PRMT9: variants seen among roughly 807,000 people sequenced by gnomAD.
The protein encoded by PRMT9 is protein arginine N-methyltransferase 9.
A neutral mutation model predicts 83.2 loss-of-function variants in PRMT9; 59 were observed. That is an observed-to-expected ratio of 0.71 (90% CI 0.57 to 0.88). PRMT9 has a LOEUF of 0.88. Among genes scored for constraint, PRMT9 ranks in the 40% least tolerant of loss-of-function variants. PRMT9 has a pLI of 0.00. For missense variants in PRMT9, 947 were observed against 1,021.9 expected (o/e 0.93, Z 1.00); for synonymous variants, 333 against 353.2 (o/e 0.94, Z 0.64).
chr4:147,650,583 T>A (rs757370843), intron 9 of PRMT9, among the ~76,000 whole-genome samples: 6 of 152,224 alleles, frequency 3.9e-5, no homozygotes, highest in Non-Finnish European at 8.8e-5. Flanking sequence ...TGGGAACACC[T>A]GCAATCCATA....
At chr4:147,674,227 G>C (rs113573590) in intron 2 of PRMT9, among the ~76,000 whole-genome samples, 2 of 152,240 alleles carry the variant, frequency 1.3e-5, no homozygotes, top group African/African-American at 4.8e-5. Context: ...CTCTTTGTGG[G>C]GGCCGGCATG....
intron 9 of PRMT9, among the ~76,000 whole-genome samples, chr4:147,647,244 C>T (rs758085726): frequency 3.9e-5 from 6 of 152,132 alleles, no homozygotes; most frequent in Non-Finnish European, 7.3e-5. Context: ...GCCCCAATTG[C>T]TCCTATAGAT....
intron 4 of PRMT9, among the ~76,000 whole-genome samples, chr4:147,672,706 A>C (rs989629323): frequency 1.3e-5 from 2 of 152,188 alleles, no homozygotes; most frequent in African/African-American, 4.8e-5. Flanking sequence ...GAAATTAACA[A>C]AGGTAAAGTA....
intron 10 of PRMT9, among the ~76,000 whole-genome samples, chr4:147,642,225 C>T (rs1012647005): frequency 1.3e-5 from 2 of 151,954 alleles, no homozygotes; most frequent in Non-Finnish European, 2.9e-5. Flanking sequence ...GACAGTGATT[C>T]GAAGGCGTAT....
intron 6 of PRMT9, among the ~76,000 whole-genome samples, chr4:147,665,704 G>A (rs1171405814): frequency 6.6e-6 from 1 of 152,182 alleles, no homozygotes; most frequent in African/African-American, 2.4e-5. Context: ...TATGCTCACT[G>A]CTCCTAAGAT....
At chr4:147,651,050 G>A (rs1220667070) in intron 9 of PRMT9, among the ~76,000 whole-genome samples, 1 of 151,888 alleles carries the variant, frequency 6.6e-6, no homozygotes, top group Non-Finnish European at 1.5e-5. Context: ...TTGCAGTGAG[G>A]TGAGATAGCG....
At chr4:147,647,515 T>C (rs1733804742) in intron 9 of PRMT9, among the ~76,000 whole-genome samples, 1 of 151,926 alleles carries the variant, frequency 6.6e-6, no homozygotes, top group Admixed American at 6.6e-5. Context: ...CTTGTGATAA[T>C]TACACTTTTC....
At chr4:147,664,963 C>CA (rs1469614940) in intron 6 of PRMT9, among the ~76,000 whole-genome samples, 2 of 151,228 alleles carry the variant, frequency 1.3e-5, no homozygotes, top group Non-Finnish European at 3.0e-5. Context: ...AAAAAAAATA[C>CA]AAAAAATCAG....
intron 2 of PRMT9, among the ~76,000 whole-genome samples, chr4:147,678,732 C>T (rs905960027): frequency 6.6e-6 from 1 of 152,122 alleles, no homozygotes; most frequent in Non-Finnish European, 1.5e-5. Context: ...CAGTAGAAAC[C>T]CTGGGCACTG....
chr4:147,682,467 C>T (rs1256914790), intron 1 of PRMT9, among the ~76,000 whole-genome samples: 6 of 152,066 alleles, frequency 3.9e-5, no homozygotes, highest in South Asian at 2.1e-4. Flanking sequence ...TGAGCCACCG[C>T]GCCCGGCCTA....
At chr4:147,659,787 G>T (rs1237599157) in intron 7 of PRMT9, among the ~76,000 whole-genome samples, 1 of 151,892 alleles carries the variant, frequency 6.6e-6, no homozygotes, top group Non-Finnish European at 1.5e-5. Context: ...CACCATGTTG[G>T]CTAGGCTGGT....
chr4:147,639,136 CAA>C, intron 10 of PRMT9, 54 bp from the exon 11 acceptor site: 1 of 1,590,122 alleles, frequency 6.3e-7, no homozygotes, highest in Non-Finnish European at 8.6e-7. Context: ...GGTCAGGGCT[CAA>C]GTTTTTCACT....
chr4:147,679,671 C>T (rs1456069855), intron 2 of PRMT9, among the ~76,000 whole-genome samples: 1 of 152,046 alleles, frequency 6.6e-6, no homozygotes, highest in Non-Finnish European at 1.5e-5. Flanking sequence ...TCACTTGAAC[C>T]CAGAAGGTGG....
chr4:147,680,355 C>T lies in PRMT9; in HGVS notation c.306G>A (p.Val102=). The change falls in exon 2 of 12, where the codon GTG becomes GTA. Residue 102 remains valine, a synonymous_variant. Transcript: ENST00000322396. ...GATGCTCCCCCATACTATTGCAAAT[C>T]ACTTCATCATCAGGAAACAGTTCCA... ...QALELFPDDE[V]ICNSMGEHLF... is the part of the protein sequence containing the mutation. 1 of 1,614,134 alleles carries T rather than the reference C, an allele frequency of 6.2e-7. No homozygotes were observed. Among genetic ancestry groups the T allele is most frequent in the Non-Finnish European group, 8.5e-7 (1 of 1,179,996 alleles).
intron 8 of PRMT9, among the ~76,000 whole-genome samples, chr4:147,655,916 C>T (rs991593508): frequency 1.3e-5 from 2 of 152,152 alleles, no homozygotes; most frequent in African/African-American, 4.8e-5. Flanking sequence ...TAAGTTACTA[C>T]AGGTATAAGA....
chr4:147,653,999 A>T lies in PRMT9; in HGVS notation c.1898T>A (p.Leu633His). 2 of 1,614,216 alleles carry T rather than the reference A, an allele frequency of 1.2e-6. No homozygotes were observed. Among genetic ancestry groups the T allele is most frequent in the Non-Finnish European group, 1.7e-6 (2 of 1,180,034 alleles). ...SEANHFPKET[L>H]EFWLRHVEDE... ...CTCCACATGTCTCAGCCAAAACTCAAGTGTTTCTTTAGGAAAGTGATTGGC... is the reference window on the plus strand; with the variant it reads ...CTCCACATGTCTCAGCCAAAACTCATGTGTTTCTTTAGGAAAGTGATTGGC... The change falls in exon 9 of 12, where the codon CTT becomes CAT. Residue 633 changes from leucine to histidine, a missense_variant. Coordinates refer to ENST00000322396, the MANE Select transcript of PRMT9 (RefSeq NM_138364.4).
At chr4:147,668,868 C>G (rs1489903521) in intron 5 of PRMT9, among the ~76,000 whole-genome samples, 3 of 151,990 alleles carry the variant, frequency 2.0e-5, no homozygotes, top group African/African-American at 7.2e-5. Flanking sequence ...AGGCGGATCA[C>G]GAGGTCAGGA....
intron 9 of PRMT9, among the ~76,000 whole-genome samples, chr4:147,645,603 T>C (rs896418514): frequency 2.3e-4 from 35 of 152,226 alleles, no homozygotes; most frequent in African/African-American, 7.7e-4. Flanking sequence ...ATCAAATGGT[T>C]CAGTAAACTA....
chr4:147,673,450 T>C (rs542681110), intron 3 of PRMT9, among the ~76,000 whole-genome samples, 188 bp downstream of exon 3: 1 of 152,262 alleles, frequency 6.6e-6, no homozygotes, highest in South Asian at 2.1e-4. Flanking sequence ...TAATCCCAAA[T>C]TTTTCTTAGC....
Sources: gnomAD v4.1 joint callset for allele counts (sites outside exome capture counted in the v4.1 genomes callset) on GRCh38, gnomAD v4.1.1 for gene constraint, MANE v1.5 for transcripts, NCBI Gene and HGNC (gene_info 2026-07-23, HGNC 2026-07-21) for gene names.